Variants in RASSF8 observed in about 807,000 individuals in gnomAD.
RASSF8 encodes the protein Ras association domain family member 8.
In RASSF8, 22 loss-of-function variants were observed where a neutral mutation model predicts 48.5. The ratio of observed to expected loss-of-function variants is 0.45; its 90% CI spans 0.32 to 0.65. The LOEUF (loss-of-function observed/expected upper bound fraction) is 0.65, where lower values mean the gene tolerates loss of function less well. Ranked by LOEUF, RASSF8 falls within the 30% of genes least tolerant of loss-of-function variation. RASSF8 has a pLI of 0.03. For missense variants in RASSF8, 418 were observed against 489.2 expected, an observed-to-expected ratio of 0.85 and a Z score of 1.37; for synonymous variants, 127 against 171.5, an observed-to-expected ratio of 0.74 and a Z score of 2.03.
At chr12:25,973,145 TCCTC>T (rs1941522242) in intron 1 of RASSF8, among the ~76,000 whole-genome samples, 1 of 152,060 alleles carries the variant, frequency 6.6e-6, no homozygotes, top group Admixed American at 6.5e-5. Context: ...GTTCAAGTGA[TCCTC>T]CCTCCTCAGT....
intron 1 of RASSF8, among the ~76,000 whole-genome samples, chr12:25,993,078 A>G (rs2136952856): frequency 6.6e-6 from 1 of 152,294 alleles, no homozygotes; most frequent in South Asian, 2.1e-4. Context: ...CCAAGCCCTG[A>G]CTTTTGTCAA....
chr12:26,019,603 GTC>G (rs1245846524), intron 2 of RASSF8, among the ~76,000 whole-genome samples: 18 of 136,520 alleles, frequency 1.3e-4, no homozygotes, highest in African/African-American at 5.1e-4. Context: ...GTGTGTGTGT[GTC>G]TGTGTGTGTC....
chr12:26,077,443 G>A (rs1197015309), downstream of RASSF8, among the ~76,000 whole-genome samples: 1 of 152,148 alleles, frequency 6.6e-6, no homozygotes, highest in African/African-American at 2.4e-5. Context: ...TTTTGTGTAA[G>A]GTGTAAGGAA....
chr12:26,012,183 T>C (rs1942542636), intron 2 of RASSF8, among the ~76,000 whole-genome samples: 1 of 152,234 alleles, frequency 6.6e-6, no homozygotes, highest in Non-Finnish European at 1.5e-5. Context: ...ATAACTGCTC[T>C]GTGCTGAGTT....
At chr12:26,043,588 G>A (rs1943311550) in intron 2 of RASSF8, among the ~76,000 whole-genome samples, 1 of 152,200 alleles carries the variant, frequency 6.6e-6, no homozygotes, top group Non-Finnish European at 1.5e-5. Flanking sequence ...CAGTTAGCAG[G>A]CAATTGCAGC....
chr12:26,038,608 AACACACACACAC>A (rs57536643), intron 2 of RASSF8, among the ~76,000 whole-genome samples: 2,014 of 144,922 alleles, frequency 0.014, 31 homozygotes, highest in East Asian at 0.074. Context: ...TTCTTATTAA[AACACACACACAC>A]ACACACACAC....
At position 26,066,939 on chromosome 12, in the gene RASSF8, T is replaced by A. The variant is rs1027258527; in HGVS notation, c.994-630T>A. Among the ~76,000 whole-genome samples, 4 of 152,246 alleles carry A rather than the reference T, an allele frequency of 2.6e-5. No individual in the cohort carries two copies. In the South Asian group the frequency reaches 6.2e-4, roughly 24 times the overall value. ...ATCTCCTTCTGTAGGACTCTGTAGT[T>A]CTCAGATCTTTGTCAAGGATTTAGG... On this transcript the variant is annotated intron_variant, in intron 4 of 5. Coordinates refer to ENST00000689635, the MANE Select transcript of RASSF8 (RefSeq NM_001394098.1).
chr12:26,059,241 G>A (rs563600937), intron 3 of RASSF8, among the ~76,000 whole-genome samples: 1 of 152,216 alleles, frequency 6.6e-6, no homozygotes, highest in East Asian at 1.9e-4. Flanking sequence ...AGATGAGAGA[G>A]GAAAGAAGGA....
chr12:26,013,338 G>A (rs879514861), intron 2 of RASSF8, among the ~76,000 whole-genome samples: 1 of 152,194 alleles, frequency 6.6e-6, no homozygotes, highest in Non-Finnish European at 1.5e-5. Context: ...TTTAAGTAGT[G>A]AGTATATTTT....
At chr12:26,005,267 A>G (rs1942363316) in intron 2 of RASSF8, among the ~76,000 whole-genome samples, 1 of 152,050 alleles carries the variant, frequency 6.6e-6, no homozygotes, top group South Asian at 2.1e-4. Flanking sequence ...GGCAGATAGG[A>G]TAATAGTTTG....
chr12:26,074,438 G>A (rs1944052847), downstream of RASSF8, among the ~76,000 whole-genome samples: 1 of 152,010 alleles, frequency 6.6e-6, no homozygotes, highest in South Asian at 2.1e-4. Context: ...CCCTTCCTGG[G>A]TTCAAGCAAT....
intron 2 of RASSF8, among the ~76,000 whole-genome samples, chr12:26,038,954 G>GA (rs1943208592): frequency 6.6e-6 from 1 of 152,026 alleles, no homozygotes; most frequent in Non-Finnish European, 1.5e-5. Flanking sequence ...TATTTTTCTA[G>GA]AAAATGTTTA....
At position 25,972,913 on chromosome 12, in the gene RASSF8, GT is replaced by G. The variant is rs553721217; in HGVS notation, c.-203+13773del. On this transcript the variant is annotated intron_variant, in intron 1 of 5. Coordinates refer to ENST00000689635, the MANE Select transcript of RASSF8 (RefSeq NM_001394098.1). Reference sequence around the variant, plus strand: ...CTAATGGCATCTCATAGTTTTGACTGTTTTTTTTCCTTGTATAAATGAAATC... The same window carrying G: ...CTAATGGCATCTCATAGTTTTGACTGTTTTTTTCCTTGTATAAATGAAATC... 3.9e-4 allele frequency among the ~76,000 whole-genome samples: 60 copies of G among 152,012 alleles called. 2 individuals carry two copies. The East Asian group carries it at 8.3e-3, about 21-fold the overall frequency.
At position 26,004,068 on chromosome 12, in the gene RASSF8, T is replaced by C. The variant is rs535508944; in HGVS notation, c.-109+8938T>C. On this transcript the variant is annotated intron_variant, in intron 2 of 5. Transcript: ENST00000689635. ...GACATATGCCTATAGTCCCAGCTAC[T>C]GGGGAGGCTGAGGTGAAAGGATTGT... Among the ~76,000 whole-genome samples, 7 of 152,178 alleles carry C rather than the reference T, an allele frequency of 4.6e-5. No homozygotes were observed. The South Asian group carries it at 1.2e-3, about 27-fold the overall frequency.
chr12:26,065,258 G>A lies in RASSF8; in HGVS notation c.864G>A (p.Glu288=). 1 of 1,614,170 alleles carries A rather than the reference G, an allele frequency of 6.2e-7. No individual in the cohort carries two copies. The highest frequency in any genetic ancestry group is 2.2e-5 in the East Asian group (1 of 44,882). Reference sequence around the variant, plus strand: ...AAGTTCAAGAGGCACAGGTCAATGAGGAAGAGGTTAAAGGAAAGATCGGTA... The same window carrying A: ...AAGTTCAAGAGGCACAGGTCAATGAAGAAGAGGTTAAAGGAAAGATCGGTA... ...QREVQEAQVN[E]EEVKGKIGKV... The change falls in exon 4 of 6, where the codon GAG becomes GAA. Residue 288 remains glutamate, a synonymous_variant. Coordinates refer to ENST00000689635, the MANE Select transcript of RASSF8 (RefSeq NM_001394098.1).
chr12:26,029,250 G>A lies in RASSF8; in HGVS notation c.-108-25986G>A, dbSNP rs567777846. 1.3e-5 allele frequency among the ~76,000 whole-genome samples: 2 copies of A among 152,306 alleles called. 1 individual carries two copies. The highest frequency in any genetic ancestry group is 4.8e-5 in the African/African-American group (2 of 41,566). Reference sequence around the variant, plus strand: ...TCCATTACCAGCATGTCTGCATTAGGGAGAGGTGTGGGGCAGGTCTAGCCT... The same window carrying A: ...TCCATTACCAGCATGTCTGCATTAGAGAGAGGTGTGGGGCAGGTCTAGCCT... On this transcript the variant is annotated intron_variant, in intron 2 of 5. Transcript: ENST00000689635.
At chr12:26,006,166 C>G (rs1942385951) in intron 2 of RASSF8, among the ~76,000 whole-genome samples, 1 of 152,184 alleles carries the variant, frequency 6.6e-6, no homozygotes, top group African/African-American at 2.4e-5. Flanking sequence ...TTCCTGGTCT[C>G]TGGCTTCATC....
Position 26,070,278 on chromosome 12 carries a change from G to A in RASSF8, c.*1460G>A. On this transcript the variant is annotated 3_prime_UTR_variant, in exon 6 of 6. Coordinates refer to ENST00000689635, the MANE Select transcript of RASSF8 (RefSeq NM_001394098.1). ...CTTATGCATGAAGGCAACTTTGGAT[G>A]TTTTAACACATTTGACTGACTTTGG... 1.0e-6 allele frequency: 1 copy of A among 985,258 alleles called. No homozygotes were observed. Among genetic ancestry groups the A allele is most frequent in the Non-Finnish European group, 1.2e-6 (1 of 829,770 alleles). 61.0% of individuals were successfully genotyped at this position (985,258 alleles called of 1,614,324 possible).
At chr12:25,976,315 C>G (rs145552150) in intron 1 of RASSF8, among the ~76,000 whole-genome samples, 1 of 152,240 alleles carries the variant, frequency 6.6e-6, no homozygotes. Flanking sequence ...ACAAATCATA[C>G]TGAGTGCAGG....
Sources: gnomAD v4.1 joint callset for allele counts (sites outside exome capture counted in the v4.1 genomes callset) on GRCh38, gnomAD v4.1.1 for gene constraint, MANE v1.5 for transcripts, NCBI Gene and HGNC (gene_info 2026-07-23, HGNC 2026-07-21) for gene names.